Variants in HIP1 observed in about 807,000 individuals in gnomAD.
HIP1 encodes the protein huntingtin interacting protein 1, also known as huntingtin-interacting protein 1.
In HIP1, 65 loss-of-function variants were observed where a neutral mutation model predicts 147.6. The observed-to-expected ratio is 0.44, with a 90% CI of 0.36 to 0.54. HIP1 has a LOEUF of 0.54. Ranked by LOEUF, HIP1 falls within the 20% of genes least tolerant of loss-of-function variation. The pLI is 0.00. For missense variants in HIP1, 1,061 were observed against 1,299.6 expected (o/e 0.82, Z 2.82); for synonymous variants, 479 against 504.0 (o/e 0.95, Z 0.67).
intron 1 of HIP1, among the ~76,000 whole-genome samples, chr7:75,620,915 G>A (rs1414744328): frequency 1.3e-5 from 2 of 152,094 alleles, no homozygotes; most frequent in Non-Finnish European, 2.9e-5. Flanking sequence ...CTGTACTGAG[G>A]TGACAGAGGG....
intron 1 of HIP1, among the ~76,000 whole-genome samples, chr7:75,622,783 T>G (rs1797886789): frequency 1.3e-5 from 2 of 151,304 alleles, no homozygotes; most frequent in South Asian, 4.2e-4. Flanking sequence ...TTGGAGGCTG[T>G]AGTGAGCTAT....
intron 1 of HIP1, among the ~76,000 whole-genome samples, chr7:75,654,170 G>A (rs981006383): frequency 3.3e-5 from 5 of 152,114 alleles, no homozygotes; most frequent in Admixed American, 1.3e-4. Context: ...CAAGGCGGGC[G>A]GATCACCTGA....
chr7:75,672,089 C>T (rs1273680218), intron 1 of HIP1, among the ~76,000 whole-genome samples: 1 of 152,168 alleles, frequency 6.6e-6, no homozygotes, highest in African/African-American at 2.4e-5. Context: ...TGTTATCTCA[C>T]TGTAGTTTTG....
Position 75,543,933 on chromosome 7 carries a change from G to T in HIP1, c.2766+762C>A, listed in dbSNP as rs1002856381. Among the ~76,000 whole-genome samples the T allele has an allele frequency of 1.4e-4, 22 of 152,296 alleles. 1 individual carries two copies. The highest frequency in any genetic ancestry group is 3.4e-3 in the Middle Eastern group (1 of 294). On this transcript the variant is annotated intron_variant, in intron 27 of 30. Transcript: ENST00000336926. ...CACGCCTGTAATCCCAGCACTTTGG[G>T]AGGCTGAGGTGGGTGGATCACAAGG...
chr7:75,567,733 G>A (rs961449871), intron 9 of HIP1, among the ~76,000 whole-genome samples: 3 of 146,368 alleles, frequency 2.0e-5, no homozygotes, highest in African/African-American at 5.5e-5. Flanking sequence ...CCCAGGAGGC[G>A]GAGGTTGCAG....
chr7:75,537,712 G>C lies in HIP1; in HGVS notation c.*460C>G, dbSNP rs1794140129. 4.0e-6 allele frequency: 1 copy of C among 251,958 alleles called. No individual in the cohort carries two copies. Among genetic ancestry groups the C allele is most frequent in the Admixed American group, 5.0e-5 (1 of 19,824 alleles). 15.6% of individuals were successfully genotyped at this position (251,958 alleles called of 1,614,324 possible). A position where few individuals can be genotyped will look rare whatever the true frequency, so the allele number is the denominator to read the frequency against. On this transcript the variant is annotated 3_prime_UTR_variant, in exon 31 of 31. Coordinates refer to ENST00000336926, the MANE Select transcript of HIP1 (RefSeq NM_005338.7). ...AGCCCTCTGATGCTCACAAGTTTGT[G>C]CAAATGATGAAACTGAAAAGACTGA...
At chr7:75,687,030 C>T (rs927442361) in intron 1 of HIP1, among the ~76,000 whole-genome samples, 5 of 151,964 alleles carry the variant, frequency 3.3e-5, no homozygotes, top group South Asian at 2.1e-4. Context: ...TTTTCTTTAT[C>T]GAGCATTTCT....
At chr7:75,620,386 TAAAA>T (rs34932997) in intron 1 of HIP1, among the ~76,000 whole-genome samples, 1 of 67,070 alleles carries the variant, frequency 1.5e-5, no homozygotes. Context: ...ACCATGTCTT[TAAAA>T]AAAAAAAAAA....
intron 1 of HIP1, chr7:75,625,074 A>G (rs1384953863): frequency 6.6e-6 from 1 of 151,694 alleles, no homozygotes; most frequent in Non-Finnish European, 1.5e-5. Flanking sequence ...ACGGCCAGCT[A>G]ATTTTTGTAT....
chr7:75,595,852 C>G (rs1005740932), intron 2 of HIP1, among the ~76,000 whole-genome samples: 1 of 152,180 alleles, frequency 6.6e-6, no homozygotes, highest in Non-Finnish European at 1.5e-5. Flanking sequence ...ACCATTTAGG[C>G]ATCTGTGATA....
chr7:75,585,507 C>G (rs1796228169), intron 5 of HIP1, among the ~76,000 whole-genome samples: 1 of 151,924 alleles, frequency 6.6e-6, no homozygotes. Flanking sequence ...TCTCACCTTT[C>G]CCCGCCTCCT....
rs1554498743 is a variant in HIP1, at chr7:75,582,175, A to G, written c.466-24T>C. 7 of 1,593,632 alleles carry G rather than the reference A, an allele frequency of 4.4e-6. No individual in the cohort carries two copies. The South Asian group carries it at 7.7e-5, about 18-fold the overall frequency. The stretch of plus-strand genomic sequence containing the variant: ...TTCTGGAAGGGAGGCAGAGGAAGGG[A>G]GTCAGGGCAGAAGACATGAAGAGCC... On this transcript the variant is annotated intron_variant, in intron 5 of 30. Coordinates refer to ENST00000336926, the MANE Select transcript of HIP1 (RefSeq NM_005338.7).
At chr7:75,606,704 C>G (rs587649798) in intron 1 of HIP1, among the ~76,000 whole-genome samples, 2 of 152,148 alleles carry the variant, frequency 1.3e-5, no homozygotes, top group South Asian at 4.2e-4. Context: ...CCAGGCGGCT[C>G]TTGGGTAAGA....
At chr7:75,641,736 C>G (rs572264816) in intron 1 of HIP1, among the ~76,000 whole-genome samples, 60 of 152,250 alleles carry the variant, frequency 3.9e-4, no homozygotes, top group Admixed American at 7.2e-4. Flanking sequence ...ACCTCAGCCT[C>G]CCAAAGTGCT....
chr7:75,565,302 C>G (rs1277347264), intron 9 of HIP1, among the ~76,000 whole-genome samples: 2 of 152,158 alleles, frequency 1.3e-5, no homozygotes, highest in African/African-American at 4.8e-5. Flanking sequence ...AAGCTAGAAG[C>G]AAATGAAAGG....
intron 1 of HIP1, among the ~76,000 whole-genome samples, chr7:75,623,268 G>T (rs587762587): frequency 6.6e-6 from 1 of 152,084 alleles, no homozygotes; most frequent in East Asian, 1.9e-4. Flanking sequence ...GAGAGAAAGG[G>T]GAGGCTGGGA....
intron 22 of HIP1, among the ~76,000 whole-genome samples, chr7:75,551,879 T>C (rs868954689): frequency 1.3e-5 from 2 of 152,290 alleles, no homozygotes; most frequent in South Asian, 4.1e-4. Flanking sequence ...CAGTCTATCC[T>C]CATGGCTTTT....
At chr7:75,718,459 G>A (rs1277730362) in intron 1 of HIP1, among the ~76,000 whole-genome samples, 2 of 152,088 alleles carry the variant, frequency 1.3e-5, no homozygotes, top group East Asian at 3.8e-4. Context: ...CTGTTTTTTG[G>A]TAACAAGCCT....
intron 2 of HIP1, among the ~76,000 whole-genome samples, chr7:75,595,037 T>G: frequency 6.6e-6 from 1 of 152,136 alleles, no homozygotes; most frequent in East Asian, 1.9e-4. Context: ...GGTAGGAAAC[T>G]AAATGACTCA....
Sources: gnomAD v4.1 joint callset for allele counts (sites outside exome capture counted in the v4.1 genomes callset) on GRCh38, gnomAD v4.1.1 for gene constraint, MANE v1.5 for transcripts, NCBI Gene and HGNC (gene_info 2026-07-23, HGNC 2026-07-21) for gene names.